Variants in EXT2 observed in about 807,000 individuals in gnomAD.
EXT2 encodes exostosin glycosyltransferase 2, also known as exostosin-2.
In EXT2, 53 loss-of-function variants were observed where a neutral mutation model predicts 81.6. The ratio of observed to expected loss-of-function variants is 0.65; its 90% confidence interval spans 0.52 to 0.82. The LOEUF is 0.82. Among genes scored for constraint, EXT2 ranks in the 40% least tolerant of loss-of-function variants. The pLI is 0.00. For synonymous variants in EXT2, 320 were observed against 340.0 expected (o/e 0.94, Z 0.65); for missense variants, 774 against 910.2 (o/e 0.85, Z 1.93).
intron 7 of EXT2, among the ~76,000 whole-genome samples, chr11:44,145,849 C>A (rs1385049904): frequency 6.6e-6 from 1 of 152,166 alleles, no homozygotes; most frequent in Non-Finnish European, 1.5e-5. Flanking sequence ...GGGTAATATA[C>A]TATACACAAT....
intron 1 of EXT2, among the ~76,000 whole-genome samples, chr11:44,104,965 T>C (rs1356646040): frequency 6.6e-6 from 1 of 152,236 alleles, no homozygotes; most frequent in African/African-American, 2.4e-5. Flanking sequence ...GTATGAATTT[T>C]CATGTATTAG....
chr11:44,133,150 T>C (rs1330686782), intron 7 of EXT2, among the ~76,000 whole-genome samples: 4 of 152,246 alleles, frequency 2.6e-5, no homozygotes, highest in African/African-American at 9.6e-5. Flanking sequence ...TCTCTATAGA[T>C]AGTTAATGTC....
rs77673545 is a variant in EXT2, at chr11:44,177,526, G to A, written c.1305+5784G>A. Among the ~76,000 whole-genome samples, 93 of 152,324 alleles carry A rather than the reference G, an allele frequency of 6.1e-4. 1 individual carries two copies. In the East Asian group the frequency reaches 0.017, roughly 28 times the overall value. On this transcript the variant is annotated intron_variant, in intron 8 of 13. Transcript: ENST00000533608. Reference sequence around the variant, plus strand: ...TGTAGGAGGACAGAGACAGAGACAAGTGAGCTTCAAACAGTGAATTCATGT... The same window carrying A: ...TGTAGGAGGACAGAGACAGAGACAAATGAGCTTCAAACAGTGAATTCATGT...
rs1317695600 is a variant in EXT2 at position 44,220,728 on chromosome 11, A to G, written c.1663-11625A>G. On this transcript the variant is annotated intron_variant, in intron 10 of 13. Coordinates refer to ENST00000533608, the MANE Select transcript of EXT2 (RefSeq NM_207122.2). This position sits in a 1 kb window ranked among gnomAD's most constrained non-coding sequence, Gnocchi z 4.4. Reference sequence around the variant, plus strand: ...CCAGCTTGCATTGATTTACACCCCCAAGACTCACAGGGACCTGGAGAGAAA... The same window carrying G: ...CCAGCTTGCATTGATTTACACCCCCGAGACTCACAGGGACCTGGAGAGAAA... Among the ~76,000 whole-genome samples the G allele has an allele frequency of 6.6e-6, 1 of 152,102 alleles. No individual in the cohort carries two copies. The highest frequency in any genetic ancestry group is 2.4e-5 in the African/African-American group (1 of 41,412).
intron 10 of EXT2, among the ~76,000 whole-genome samples, chr11:44,222,198 T>C (rs962052901): frequency 7.2e-5 from 11 of 152,176 alleles, no homozygotes; most frequent in South Asian, 2.1e-4. Context: ...ATTTCAGGGG[T>C]TGGGTGGAGG....
chr11:44,228,662 A>T (rs2135251780), intron 10 of EXT2, among the ~76,000 whole-genome samples: 1 of 152,300 alleles, frequency 6.6e-6, no homozygotes, highest in Admixed American at 6.5e-5. Context: ...AACAGCGCTC[A>T]CTATAAAGGC....
At chr11:44,192,947 G>C (rs1955411453) in intron 8 of EXT2, among the ~76,000 whole-genome samples, 1 of 152,154 alleles carries the variant, frequency 6.6e-6, no homozygotes, top group Non-Finnish European at 1.5e-5. Context: ...ATACATAAGG[G>C]GGACTGATAA....
At chr11:44,121,103 G>C (rs146793311) in intron 4 of EXT2, among the ~76,000 whole-genome samples, 3 of 152,322 alleles carry the variant, frequency 2.0e-5, no homozygotes, top group Non-Finnish European at 2.9e-5. Context: ...TTCACATTGG[G>C]TGGGGAAGAA....
intron 9 of EXT2, 41 bp downstream of exon 9, chr11:44,198,059 G>A (rs770586898): frequency 6.2e-7 from 1 of 1,600,252 alleles, no homozygotes; most frequent in Non-Finnish European, 8.6e-7. Context: ...ATCAATTTTG[G>A]ATGGCCAAAT....
rs747743694 is a variant in EXT2, at chr11:44,180,835, C to A, written c.1305+9093C>A. ...AAGTTATTCTGGCTGGGCGCGGTGG[C>A]TCACACCTGTAATCCCAGCACTGTG... On this transcript the variant is annotated intron_variant, in intron 8 of 13. Coordinates refer to ENST00000533608, the MANE Select transcript of EXT2 (RefSeq NM_207122.2). Among the ~76,000 whole-genome samples the A allele has an allele frequency of 5.2e-4, 79 of 152,190 alleles. 1 individual carries two copies. The highest frequency in any genetic ancestry group is 2.1e-4 in the Non-Finnish European group (14 of 68,044).
Position 44,251,149 on chromosome 11 carries a change from A to G in EXT2, c.*6862A>G, listed in dbSNP as rs1225895867. ...AACTTGGCCAAATGAGGGTTCCATT[A>G]ACTCCATCTTGTCTAATGCATGGAG... On this transcript the variant is annotated 3_prime_UTR_variant, in exon 14 of 14. Transcript: ENST00000533608. Among the ~76,000 whole-genome samples, 1 of 151,854 alleles carries G rather than the reference A, an allele frequency of 6.6e-6. No individual in the cohort carries two copies. Among genetic ancestry groups the G allele is most frequent in the Non-Finnish European group, 1.5e-5 (1 of 68,016 alleles).
chr11:44,138,357 A>G (rs1954599152), intron 7 of EXT2, among the ~76,000 whole-genome samples: 2 of 152,246 alleles, frequency 1.3e-5, no homozygotes, highest in African/African-American at 4.8e-5. Flanking sequence ...TTTACAAGTG[A>G]CAAGTAAGCC....
intron 13 of EXT2, 129 bp downstream of exon 13, chr11:44,236,504 T>C: frequency 1.2e-6 from 1 of 829,578 alleles, no homozygotes; most frequent in Admixed American, 2.0e-5. Context: ...CCATGTGCAC[T>C]GTGGGAATTG....
intron 9 of EXT2, among the ~76,000 whole-genome samples, chr11:44,203,863 G>A (rs1428727477): frequency 2.6e-5 from 4 of 152,230 alleles, no homozygotes; most frequent in South Asian, 2.1e-4. Flanking sequence ...GTGACGCCAT[G>A]CCAGTTGGCA....
intron 1 of EXT2, chr11:44,104,738 A>G (rs1295604065): frequency 6.6e-6 from 1 of 152,210 alleles, no homozygotes; most frequent in Non-Finnish European, 1.5e-5. Flanking sequence ...CCTGTCTTCA[A>G]ACTCCAGGAG....
rs1956121253 is a variant in EXT2 at position 44,249,261 on chromosome 11, G to A, written c.*4974G>A. Reference sequence around the variant, plus strand: ...GATCCTCCTGCCTCAGCGTCCCAAAGTGTTGGGATTACAGGTGTGAACCAC... The same window carrying A: ...GATCCTCCTGCCTCAGCGTCCCAAAATGTTGGGATTACAGGTGTGAACCAC... On this transcript the variant is annotated 3_prime_UTR_variant, in exon 14 of 14. Transcript: ENST00000533608. Among the ~76,000 whole-genome samples the A allele has an allele frequency of 6.6e-6, 1 of 152,180 alleles. No individual in the cohort carries two copies. The highest frequency in any genetic ancestry group is 2.4e-5 in the African/African-American group (1 of 41,450).
intron 7 of EXT2, among the ~76,000 whole-genome samples, chr11:44,169,253 A>G (rs1223471336): frequency 1.3e-5 from 2 of 151,736 alleles, no homozygotes; most frequent in African/African-American, 4.8e-5. Context: ...ATAAAAATAA[A>G]TAAATATAAA....
rs1172902311 is a variant in EXT2, at chr11:44,249,457, G to A, written c.*5170G>A. On this transcript the variant is annotated 3_prime_UTR_variant, in exon 14 of 14. Transcript: ENST00000533608. ...GTCTGCTAGAGGCTTCCTCAGCAAA[G>A]CCCCATCTTGTGGACAACCTCTCAG... 2.0e-5 allele frequency among the ~76,000 whole-genome samples: 3 copies of A among 152,234 alleles called. No individual in the cohort carries two copies. In the East Asian group the frequency reaches 5.8e-4, roughly 29 times the overall value.
At position 44,251,392 on chromosome 11, in the gene EXT2, C is replaced by G. The variant is rs1956136880; in HGVS notation, c.*7105C>G. Among the ~76,000 whole-genome samples the G allele has an allele frequency of 6.6e-6, 1 of 152,148 alleles. No homozygotes were observed. The highest frequency in any genetic ancestry group is 2.4e-5 in the African/African-American group (1 of 41,430). ...GAAGTCCACTGCAGTGTATTATATG[C>G]TGTGTGGAAGTCTGGGGGTTAGGAA... is the stretch of plus-strand genomic sequence containing the variant. On this transcript the variant is annotated 3_prime_UTR_variant, in exon 14 of 14. Transcript: ENST00000533608.
Sources: allele counts gnomAD v4.1 joint callset (sites outside exome capture counted in the v4.1 genomes callset), GRCh38; gene constraint gnomAD v4.1.1; non-coding constraint Gnocchi (gnomAD v3.1); transcripts MANE v1.5; gene names NCBI Gene and HGNC (gene_info 2026-07-23, HGNC 2026-07-21).